Variants in SGCZ observed in about 807,000 individuals in gnomAD.
SGCZ encodes the protein sarcoglycan zeta.
SGCZ carries 40 observed loss-of-function variants against 41.3 expected under a neutral mutation model. The ratio of observed to expected loss-of-function variants is 0.97; its 90% CI spans 0.75 to 1.26. The LOEUF is 1.26. Among genes scored for constraint, SGCZ ranks in the 50% most tolerant of loss-of-function variants. The probability of loss-of-function intolerance (pLI) is 0.00; values close to 1 mark genes in which losing one functional copy is unlikely to be tolerated. For missense variants in SGCZ, 552 were observed against 369.8 expected (o/e 1.49, Z -4.04); for synonymous variants, 206 against 137.5 (o/e 1.50, Z -3.49).
intron 1 of SGCZ, among the ~76,000 whole-genome samples, chr8:15,035,324 A>T (rs922473199): frequency 3.3e-5 from 5 of 152,142 alleles, no homozygotes; most frequent in African/African-American, 1.2e-4. Context: ...CATAGTAACC[A>T]TAAAGCAAAA....
intron 4 of SGCZ, among the ~76,000 whole-genome samples, chr8:14,177,812 C>T (rs1322531787): frequency 6.6e-6 from 1 of 151,638 alleles, no homozygotes; most frequent in African/African-American, 2.4e-5. Context: ...GCGTGAGCCA[C>T]TGCGCCCGGC....
At chr8:14,156,321 G>T (rs939909439) in intron 5 of SGCZ, among the ~76,000 whole-genome samples, 1 of 151,982 alleles carries the variant, frequency 6.6e-6, no homozygotes, top group Non-Finnish European at 1.5e-5. Context: ...TTAGCCGGGC[G>T]TGGTGGTGGT....
At chr8:15,047,255 T>C (rs1174197801) in intron 1 of SGCZ, among the ~76,000 whole-genome samples, 1 of 152,060 alleles carries the variant, frequency 6.6e-6, no homozygotes, top group Non-Finnish European at 1.5e-5. Context: ...GTACATCGGA[T>C]AAAGTTTGAC....
chr8:14,206,137 T>C (rs1473988262), intron 4 of SGCZ, among the ~76,000 whole-genome samples: 1 of 152,168 alleles, frequency 6.6e-6, no homozygotes, highest in Non-Finnish European at 1.5e-5. Context: ...TTTCTAAGTA[T>C]GTGTATAAGG....
At chr8:15,045,181 A>G (rs991348655) in intron 1 of SGCZ, among the ~76,000 whole-genome samples, 1 of 152,068 alleles carries the variant, frequency 6.6e-6, no homozygotes, top group Non-Finnish European at 1.5e-5. Context: ...ACAGAAAAAG[A>G]CTGTCATTCA....
chr8:14,735,706 T>C (rs753600030), intron 1 of SGCZ, among the ~76,000 whole-genome samples: 1 of 152,180 alleles, frequency 6.6e-6, no homozygotes, highest in Non-Finnish European at 1.5e-5. Flanking sequence ...CTTTCGTATA[T>C]ACATCTGTCC....
At chr8:14,698,033 C>G (rs1446144334) in intron 1 of SGCZ, among the ~76,000 whole-genome samples, 1 of 151,982 alleles carries the variant, frequency 6.6e-6, no homozygotes, top group Non-Finnish European at 1.5e-5. Context: ...CAACATTTCA[C>G]ATTTTGCCAT....
chr8:14,314,121 C>A (rs550289146), intron 3 of SGCZ, among the ~76,000 whole-genome samples: 1 of 152,020 alleles, frequency 6.6e-6, no homozygotes, highest in Non-Finnish European at 1.5e-5. Flanking sequence ...GAAAAAAATA[C>A]GCAGTAAGAA....
intron 1 of SGCZ, among the ~76,000 whole-genome samples, chr8:14,638,631 C>T (rs569263980): frequency 6.6e-6 from 1 of 151,886 alleles, no homozygotes; most frequent in East Asian, 1.9e-4. Context: ...GAATGAGAAT[C>T]TCCTTTTCTC....
intron 3 of SGCZ, among the ~76,000 whole-genome samples, chr8:14,252,515 T>C (rs1175500029): frequency 1.3e-5 from 2 of 152,190 alleles, no homozygotes; most frequent in Non-Finnish European, 2.9e-5. Flanking sequence ...AGGTAGCCCA[T>C]TTTCTGATAG....
At chr8:14,755,369 G>A (rs1799629284) in intron 1 of SGCZ, among the ~76,000 whole-genome samples, 1 of 152,032 alleles carries the variant, frequency 6.6e-6, no homozygotes, top group Non-Finnish European at 1.5e-5. Flanking sequence ...TGACTTAGAG[G>A]AACATAAATC....
chr8:14,744,670 C>T (rs892760792), intron 1 of SGCZ, among the ~76,000 whole-genome samples: 28 of 152,188 alleles, frequency 1.8e-4, no homozygotes, highest in Non-Finnish European at 3.4e-4. Context: ...TCAGAGAAAG[C>T]TTAATAGTAA....
chr8:14,845,408 C>A (rs1803065915), intron 1 of SGCZ, among the ~76,000 whole-genome samples: 1 of 152,104 alleles, frequency 6.6e-6, no homozygotes, highest in Non-Finnish European at 1.5e-5. Context: ...CAAAAAGCAG[C>A]ACCCAAATAG....
At chr8:15,087,972 A>G (rs1563496608) in intron 1 of SGCZ, among the ~76,000 whole-genome samples, 2 of 149,488 alleles carry the variant, frequency 1.3e-5, no homozygotes, top group Middle Eastern at 3.2e-3. Flanking sequence ...AGTAACCACC[A>G]TTACTATATA....
chr8:15,133,951 A>G (rs549151236), intron 1 of SGCZ, among the ~76,000 whole-genome samples: 21 of 152,266 alleles, frequency 1.4e-4, no homozygotes, highest in Admixed American at 3.9e-4. Flanking sequence ...TTCTGTTTTT[A>G]ATATTATCAA....
At chr8:14,515,876 G>A (rs1478683888) in intron 2 of SGCZ, among the ~76,000 whole-genome samples, 1 of 151,978 alleles carries the variant, frequency 6.6e-6, no homozygotes, top group East Asian at 1.9e-4. Context: ...AAAGATGAAT[G>A]ATTTTGAGTA....
intron 1 of SGCZ, among the ~76,000 whole-genome samples, chr8:15,169,345 G>A (rs965227032): frequency 7.2e-5 from 11 of 152,316 alleles, no homozygotes; most frequent in African/African-American, 2.6e-4. Flanking sequence ...AGTTCAGGAC[G>A]TTTGCAGGGG....
At chr8:14,347,255 G>A (rs1802920646) in intron 2 of SGCZ, among the ~76,000 whole-genome samples, 1 of 152,092 alleles carries the variant, frequency 6.6e-6, no homozygotes, top group Non-Finnish European at 1.5e-5. Flanking sequence ...GTGGCCTCTG[G>A]CAGAATTCCT....
chr8:14,879,152 C>T (rs1355810203), intron 1 of SGCZ: 1 of 151,976 alleles, frequency 6.6e-6, no homozygotes, highest in Non-Finnish European at 1.5e-5. Flanking sequence ...CAGTGAGACC[C>T]CCATCTCTTA....
Sources: allele counts gnomAD v4.1 joint callset (sites outside exome capture counted in the v4.1 genomes callset), GRCh38; gene constraint gnomAD v4.1.1; transcripts MANE v1.5; gene names NCBI Gene and HGNC (gene_info 2026-07-23, HGNC 2026-07-21).